The following LRRC7 variants were observed in gnomAD, a reference collection of about 807,000 sequenced individuals.
LRRC7 encodes the protein leucine-rich repeat-containing protein 7.
Under a neutral mutation model 175.7 loss-of-function variants are expected in LRRC7, and 23 were observed. The observed-to-expected ratio is 0.13, with a 90% CI of 0.09 to 0.19. The LOEUF (loss-of-function observed/expected upper bound fraction) is 0.19. LRRC7 is among the 10% of genes least tolerant of loss of function. LRRC7 has a pLI of 1.00. For missense variants in LRRC7, 1,354 were observed against 1,904.7 expected, an observed-to-expected ratio of 0.71 and a Z score of 5.38; for synonymous variants, 685 against 680.9, an observed-to-expected ratio of 1.01 and a Z score of -0.09.
rs1396578934 is a variant in LRRC7 at position 70,135,712 on chromosome 1, T to G, written c.*13825T>G. ...GTTGTTAGATAGTGAACAAGTCCCA[T>G]TCTCTAAAAGTGATTTTTTCTCTAG... On this transcript the variant is annotated 3_prime_UTR_variant, in exon 27 of 27. Transcript: ENST00000651989. 6.6e-6 allele frequency among the ~76,000 whole-genome samples: 1 copy of G among 152,214 alleles called. No individual in the cohort carries two copies. The highest frequency in any genetic ancestry group is 2.4e-5 in the African/African-American group (1 of 41,456).
chr1:69,614,036 A>C (rs1649223391), intron 1 of LRRC7, among the ~76,000 whole-genome samples: 2 of 150,078 alleles, frequency 1.3e-5, no homozygotes, highest in African/African-American at 5.1e-5. Flanking sequence ...AGTTTCAGAC[A>C]TTTGAAAATT....
At chr1:69,677,244 A>T (rs975975104) in intron 1 of LRRC7, among the ~76,000 whole-genome samples, 17 of 143,306 alleles carry the variant, frequency 1.2e-4, no homozygotes, top group Non-Finnish European at 2.4e-4. Context: ...TATATATGTT[A>T]TATATATATC....
At chr1:70,078,961 C>T (rs1449039868) in intron 24 of LRRC7, among the ~76,000 whole-genome samples, 2 of 151,964 alleles carry the variant, frequency 1.3e-5, no homozygotes, top group Non-Finnish European at 2.9e-5. Flanking sequence ...TCCCAGCCTC[C>T]TTCATCTACA....
At chr1:70,077,524 T>C (rs1662873774) in intron 24 of LRRC7, among the ~76,000 whole-genome samples, 1 of 152,176 alleles carries the variant, frequency 6.6e-6, no homozygotes. Flanking sequence ...GTATCATAAC[T>C]CAAACCAGTT....
chr1:70,089,400 A>G (rs1009536490), intron 24 of LRRC7, among the ~76,000 whole-genome samples: 1 of 152,166 alleles, frequency 6.6e-6, no homozygotes, highest in Non-Finnish European at 1.5e-5. Flanking sequence ...GTTGATAGCT[A>G]AGATAATGCA....
intron 1 of LRRC7, among the ~76,000 whole-genome samples, chr1:69,598,693 T>A (rs1646936995): frequency 6.6e-6 from 1 of 152,174 alleles, no homozygotes; most frequent in Non-Finnish European, 1.5e-5. Flanking sequence ...ATAGGCACCA[T>A]GATCTAGCCA....
intron 24 of LRRC7, among the ~76,000 whole-genome samples, chr1:70,089,517 G>A (rs1046249585): frequency 3.3e-5 from 5 of 152,100 alleles, no homozygotes; most frequent in Non-Finnish European, 5.9e-5. Flanking sequence ...TCTTGCCCAG[G>A]TAATTTCAAG....
rs1329291274 is a variant in LRRC7, at chr1:70,130,739, T to A, written c.*8852T>A. ...CTCTTTGAGAAGAAGTCATGCACATTGTCACTAGATTACGTTACCTAAGCA... is the reference window on the plus strand; with the variant it reads ...CTCTTTGAGAAGAAGTCATGCACATAGTCACTAGATTACGTTACCTAAGCA... On this transcript the variant is annotated 3_prime_UTR_variant, in exon 27 of 27. Coordinates refer to ENST00000651989, the MANE Select transcript of LRRC7 (RefSeq NM_001370785.2). Among the ~76,000 whole-genome samples the A allele has an allele frequency of 2.0e-5, 3 of 152,222 alleles. No individual in the cohort carries two copies. Among genetic ancestry groups the A allele is most frequent in the Non-Finnish European group, 4.4e-5 (3 of 68,042 alleles).
chr1:69,887,714 T>G (rs1645685769), intron 7 of LRRC7, among the ~76,000 whole-genome samples: 1 of 150,720 alleles, frequency 6.6e-6, no homozygotes, highest in Non-Finnish European at 1.5e-5. Context: ...GAGTTTCCAG[T>G]TTTTCTGTTC....
chr1:69,596,996 A>T (rs989339974), intron 1 of LRRC7, among the ~76,000 whole-genome samples: 1 of 152,224 alleles, frequency 6.6e-6, no homozygotes, highest in African/African-American at 2.4e-5. Context: ...TCAGATATTA[A>T]TTCAAATTTT....
At chr1:69,681,055 A>G (rs1660426772) in intron 2 of LRRC7, among the ~76,000 whole-genome samples, 1 of 152,146 alleles carries the variant, frequency 6.6e-6, no homozygotes, top group Admixed American at 6.6e-5. Context: ...AAATGCACAC[A>G]TATTACCACC....
At chr1:69,990,152 G>A (rs1386873873) in intron 10 of LRRC7, among the ~76,000 whole-genome samples, 1 of 152,006 alleles carries the variant, frequency 6.6e-6, no homozygotes, top group Non-Finnish European at 1.5e-5. Flanking sequence ...GGAAGTGAAT[G>A]CATAAAGCAA....
intron 2 of LRRC7, among the ~76,000 whole-genome samples, chr1:69,711,941 G>A (rs1440255795): frequency 1.3e-5 from 2 of 152,108 alleles, no homozygotes; most frequent in Non-Finnish European, 2.9e-5. Context: ...GTGAGAATTA[G>A]CATGTACCTA....
In LRRC7 at chr1:70,125,610, G is replaced by C. The variant is rs1210561876; in HGVS notation, c.*3723G>C. 6.6e-6 allele frequency among the ~76,000 whole-genome samples: 1 copy of C among 151,690 alleles called. No homozygotes were observed. On this transcript the variant is annotated 3_prime_UTR_variant, in exon 27 of 27. Transcript: ENST00000651989. ...GATCGAGACCATCCCAGCTAAAACGGTGAAACCCCGTCTCTACTAAAAATA... is the reference window on the plus strand; with the variant it reads ...GATCGAGACCATCCCAGCTAAAACGCTGAAACCCCGTCTCTACTAAAAATA...
intron 7 of LRRC7, among the ~76,000 whole-genome samples, chr1:69,882,362 A>G (rs971656329): frequency 2.6e-5 from 4 of 152,192 alleles, no homozygotes; most frequent in Admixed American, 6.5e-5. Context: ...TTCTGTATAT[A>G]TTATAACCAA....
chr1:69,634,863 A>G (rs1399064601), intron 1 of LRRC7, among the ~76,000 whole-genome samples: 3 of 152,138 alleles, frequency 2.0e-5, no homozygotes, highest in Non-Finnish European at 4.4e-5. Context: ...AAGCACACAT[A>G]AAAGAAAATT....
intron 1 of LRRC7, among the ~76,000 whole-genome samples, chr1:69,621,829 G>C (rs893996866): frequency 2.0e-5 from 3 of 152,110 alleles, no homozygotes; most frequent in African/African-American, 7.2e-5. Flanking sequence ...ATTGCATTCT[G>C]TCAGCCATTT....
At chr1:69,746,415 AT>A (rs1477440492) in intron 2 of LRRC7, among the ~76,000 whole-genome samples, 1 of 151,832 alleles carries the variant, frequency 6.6e-6, no homozygotes, top group Non-Finnish European at 1.5e-5. Context: ...TGGGCACCTT[AT>A]TGGTTTTGTT....
chr1:70,023,005 G>T, intron 16 of LRRC7, 121 bp from the exon 17 acceptor site: 1 of 1,225,218 alleles, frequency 8.2e-7, no homozygotes, highest in Admixed American at 2.8e-5. Flanking sequence ...CTAACTTTAT[G>T]ATCATTATTT....
Sources: allele counts gnomAD v4.1 joint callset (sites outside exome capture counted in the v4.1 genomes callset), GRCh38; gene constraint gnomAD v4.1.1; transcripts MANE v1.5; gene names NCBI Gene and HGNC (gene_info 2026-07-23, HGNC 2026-07-21).